MCTP2: variants seen among roughly 807,000 people sequenced by gnomAD.
The protein encoded by MCTP2 is multiple C2 and transmembrane domain containing 2, also known as multiple C2 and transmembrane domain-containing protein 2.
MCTP2 carries 132 observed loss-of-function variants against 111.6 expected under a neutral mutation model. That is an observed-to-expected ratio of 1.18 (90% CI 1.03 to 1.37). The LOEUF (loss-of-function observed/expected upper bound fraction) is 1.37, where lower values mean the gene tolerates loss of function less well. Ranked by LOEUF, MCTP2 falls within the 40% of genes most tolerant of loss-of-function variation. MCTP2 has a pLI of 0.00. For missense variants in MCTP2, 1,183 were observed against 1,067.9 expected, an observed-to-expected ratio of 1.11 and a Z score of -1.50; for synonymous variants, 395 against 387.7, an observed-to-expected ratio of 1.02 and a Z score of -0.22.
At chr15:94,256,412 A>G (rs1030125811) in intron 1 of MCTP2, among the ~76,000 whole-genome samples, 6 of 152,120 alleles carry the variant, frequency 3.9e-5, no homozygotes, top group Non-Finnish European at 5.9e-5. Flanking sequence ...AATAAAATAT[A>G]CCACCCTCCT....
intron 10 of MCTP2, among the ~76,000 whole-genome samples, chr15:94,359,206 A>C (rs577838743): frequency 1.3e-5 from 2 of 152,270 alleles, no homozygotes; most frequent in African/African-American, 4.8e-5. Flanking sequence ...TACAGTAAGC[A>C]AAAAGGAGAT....
chr15:94,306,526 C>T (rs1162952780), intron 2 of MCTP2, among the ~76,000 whole-genome samples: 2 of 152,090 alleles, frequency 1.3e-5, no homozygotes, highest in East Asian at 3.9e-4. Context: ...AATGGGAGAG[C>T]TCAGATCTGG....
rs3068711 is a variant in MCTP2, at chr15:94,337,666, G to GGTGT, written c.638-1608_638-1605dup. Among the ~76,000 whole-genome samples, 393 of 150,884 alleles carry GGTGT rather than the reference G, an allele frequency of 2.6e-3. 4 individuals are homozygous for GGTGT. The highest frequency in any genetic ancestry group is 7.5e-3 in the African/African-American group (309 of 41,120). ...TTCTTCTCAGAACTGGCCCGAACAC[G>GGTGT]GTGTGTGTGTGTGTGTGTGCGCGCG... is the stretch of plus-strand genomic sequence containing the variant. On this transcript the variant is annotated intron_variant, in intron 4 of 22. Coordinates refer to ENST00000357742, the MANE Select transcript of MCTP2 (RefSeq NM_001385001.1).
At position 94,385,410 on chromosome 15, in the gene MCTP2, AT is replaced by A; in HGVS notation, c.1686-8del. 1 of 1,570,780 alleles carries A rather than the reference AT, an allele frequency of 6.4e-7. No individual in the cohort carries two copies. On this transcript the variant is annotated splice_polypyrimidine_tract_variant and intron_variant, in intron 13 of 22. Transcript: ENST00000357742. The stretch of plus-strand genomic sequence containing the variant: ...TGTGTTTTTGTGTATAATACATGGT[AT>A]TTTTGTTACAGTCCCATTAAAGATA...
At chr15:94,317,113 A>G (rs1482415426) in intron 4 of MCTP2, among the ~76,000 whole-genome samples, 1 of 152,108 alleles carries the variant, frequency 6.6e-6, no homozygotes, top group Non-Finnish European at 1.5e-5. Context: ...TTGTTTGACA[A>G]TCCCATCCCT....
At position 94,457,319 on chromosome 15, in the gene MCTP2, T is replaced by C. The variant is rs1207285816; in HGVS notation, c.2251-818T>C. Among the ~76,000 whole-genome samples the C allele has an allele frequency of 2.6e-5, 4 of 152,162 alleles. No homozygotes were observed. In the East Asian group the frequency reaches 7.7e-4, roughly 29 times the overall value. ...GGAATCTCCTGACATTTGAGTGATTTCTAAGTAACCTGCATAACTGTTAGT... is the reference window on the plus strand; with the variant it reads ...GGAATCTCCTGACATTTGAGTGATTCCTAAGTAACCTGCATAACTGTTAGT... On this transcript the variant is annotated intron_variant, in intron 19 of 22. Transcript: ENST00000357742.
At chr15:94,245,830 C>T (rs1008836658) in intron 1 of MCTP2, among the ~76,000 whole-genome samples, 2 of 151,270 alleles carry the variant, frequency 1.3e-5, no homozygotes, top group African/African-American at 4.9e-5. Flanking sequence ...GATTGCTCCC[C>T]CCCCAGCCAA....
At chr15:94,367,850 GTCTT>G in intron 11 of MCTP2, 59 bp downstream of exon 11, 1 of 1,414,692 alleles carries the variant, frequency 7.1e-7, no homozygotes, top group Non-Finnish European at 9.6e-7. Flanking sequence ...TTAAAACAAA[GTCTT>G]TATTGAAACA....
intron 1 of MCTP2, among the ~76,000 whole-genome samples, chr15:94,293,602 C>G (rs2075127159): frequency 1.3e-5 from 2 of 152,358 alleles, no homozygotes; most frequent in East Asian, 1.9e-4. Flanking sequence ...GCCCAGCAGT[C>G]TGTCCACTGC....
intron 4 of MCTP2, among the ~76,000 whole-genome samples, chr15:94,324,426 C>T (rs1416053161): frequency 2.0e-5 from 3 of 152,164 alleles, no homozygotes; most frequent in East Asian, 1.9e-4. Flanking sequence ...CACTCTGTAG[C>T]GTTGCAAAAG....
At chr15:94,429,198 C>T (rs575496110) in intron 17 of MCTP2, among the ~76,000 whole-genome samples, 2 of 151,900 alleles carry the variant, frequency 1.3e-5, no homozygotes, top group South Asian at 2.1e-4. Flanking sequence ...TGAATTGTTG[C>T]TAAGACCAAC....
Position 94,367,682 on chromosome 15 carries a change from C to T in MCTP2, c.1379C>T (p.Ala460Val). Reference protein sequence around the residue: ...LELPLDSCLGALLMLVTLTPC... With the variant: ...LELPLDSCLGVLLMLVTLTPC... The stretch of plus-strand genomic sequence containing the variant: ...CTGCCACTGGACAGCTGTCTGGGGG[C>T]TCTCCTTATGTTGGTCACACTTACA... Residue 460 changes from alanine to valine, a missense_variant, in exon 11 of 23, where the codon GCT (alanine) becomes GTT (valine). Transcript: ENST00000357742. 1.9e-6 allele frequency: 3 copies of T among 1,612,214 alleles called. No individual in the cohort carries two copies. The highest frequency in any genetic ancestry group is 2.5e-6 in the Non-Finnish European group (3 of 1,179,138).
At chr15:94,326,919 T>A (rs545754492) in intron 4 of MCTP2, among the ~76,000 whole-genome samples, 5 of 151,680 alleles carry the variant, frequency 3.3e-5, no homozygotes, top group African/African-American at 1.2e-4. Flanking sequence ...AGTGTTGTCT[T>A]GTTTTTTTCT....
chr15:94,411,912 T>C (rs1159139373), intron 17 of MCTP2, among the ~76,000 whole-genome samples: 1 of 152,188 alleles, frequency 6.6e-6, no homozygotes, highest in Non-Finnish European at 1.5e-5. Flanking sequence ...TTTCTATTGC[T>C]TCCCAAGCTC....
At chr15:94,258,154 G>A (rs1300996502) in intron 1 of MCTP2, among the ~76,000 whole-genome samples, 3 of 151,222 alleles carry the variant, frequency 2.0e-5, no homozygotes, top group Admixed American at 6.6e-5. Context: ...GGGATTACAG[G>A]TGTGAGCCAC....
intron 14 of MCTP2, among the ~76,000 whole-genome samples, chr15:94,396,227 G>A (rs1279838446): frequency 6.6e-6 from 1 of 152,126 alleles, no homozygotes; most frequent in Non-Finnish European, 1.5e-5. Flanking sequence ...GAATTGCCTT[G>A]TCTTTTTGTC....
At chr15:94,464,256 A>G (rs200680280) in intron 20 of MCTP2, among the ~76,000 whole-genome samples, 1 of 43,966 alleles carries the variant, frequency 2.3e-5, no homozygotes, top group Non-Finnish European at 4.6e-5. Flanking sequence ...ATATATATAT[A>G]TTATATATAT....
intron 4 of MCTP2, among the ~76,000 whole-genome samples, chr15:94,338,398 A>C (rs983835731): frequency 1.3e-5 from 2 of 152,210 alleles, no homozygotes; most frequent in African/African-American, 4.8e-5. Context: ...CTAGGTAGTA[A>C]TGAACAAGTG....
intron 17 of MCTP2, chr15:94,402,384 TACATTTTAAGTAA>T: frequency 5.3e-6 from 8 of 1,503,714 alleles, no homozygotes; most frequent in Non-Finnish European, 7.1e-6. Flanking sequence ...TTGTTCAATT[TACATTTTAAGTAA>T]ATTATTCCCA....
Sources: allele counts gnomAD v4.1 joint callset (sites outside exome capture counted in the v4.1 genomes callset), GRCh38; gene constraint gnomAD v4.1.1; transcripts MANE v1.5; gene names NCBI Gene and HGNC (gene_info 2026-07-23, HGNC 2026-07-21).